Variants in BPTF observed in about 807,000 individuals in gnomAD.
BPTF encodes nucleosome-remodeling factor subunit BPTF.
BPTF carries 18 observed loss-of-function variants against 292.5 expected under a neutral mutation model. The ratio of observed to expected loss-of-function variants is 0.06; its 90% confidence interval spans 0.04 to 0.09. BPTF has a LOEUF of 0.09. BPTF is among the 10% of genes least tolerant of loss of function. BPTF has a pLI of 1.00. For missense variants in BPTF, 2,726 were observed against 3,498.7 expected, an observed-to-expected ratio of 0.78 and a Z score of 5.57; for synonymous variants, 1,225 against 1,251.9, an observed-to-expected ratio of 0.98 and a Z score of 0.45.
At chr17:67,894,749 C>G (rs2061335436) in intron 7 of BPTF, among the ~76,000 whole-genome samples, 1 of 152,112 alleles carries the variant, frequency 6.6e-6, no homozygotes. Flanking sequence ...AGAGCACTCA[C>G]ATTTTTTAGT....
intron 1 of BPTF, among the ~76,000 whole-genome samples, chr17:67,828,090 C>G (rs2056280755): frequency 6.6e-6 from 1 of 152,002 alleles, no homozygotes; most frequent in South Asian, 2.1e-4. Context: ...CACCAGCACA[C>G]CCGGCTAATT....
At chr17:67,859,242 C>G (rs2058927185) in intron 2 of BPTF, among the ~76,000 whole-genome samples, 1 of 152,184 alleles carries the variant, frequency 6.6e-6, no homozygotes, top group African/African-American at 2.4e-5. Context: ...GTCTCCTAGG[C>G]TCAGGCCATC....
intron 2 of BPTF, among the ~76,000 whole-genome samples, chr17:67,864,942 C>T (rs1165646244): frequency 1.3e-5 from 2 of 152,054 alleles, no homozygotes; most frequent in Non-Finnish European, 2.9e-5. Context: ...GTAGCTGAGA[C>T]GACAGGCGCC....
chr17:67,898,829 G>A (rs2061626238), intron 7 of BPTF, among the ~76,000 whole-genome samples: 1 of 150,972 alleles, frequency 6.6e-6, no homozygotes, highest in Non-Finnish European at 1.5e-5. Context: ...AACCACGTCA[G>A]GAGAATCACT....
chr17:67,917,617 T>TTTAATTAATTAA (rs376041236), intron 11 of BPTF, among the ~76,000 whole-genome samples: 2 of 151,168 alleles, frequency 1.3e-5, no homozygotes, highest in Admixed American at 6.6e-5. Context: ...TTTGGTTTAA[T>TTTAATTAATTAA]TTAATTAATT....
chr17:67,846,440 A>G (rs2058035542), intron 1 of BPTF, among the ~76,000 whole-genome samples: 1 of 152,322 alleles, frequency 6.6e-6, no homozygotes, highest in East Asian at 1.9e-4. Flanking sequence ...GATGATGGAA[A>G]TATTCTGTAT....
intron 4 of BPTF, among the ~76,000 whole-genome samples, chr17:67,884,247 A>G (rs8070202): frequency 0.1 from 15,229 of 150,216 alleles, 2,617 homozygotes; most frequent in African/African-American, 0.35. Context: ...CTGGGATTAC[A>G]GGCATGCACC....
Position 67,929,464 on chromosome 17 carries a change from G to C in BPTF, c.6127G>C (p.Gly2043Arg). ...AATTAGGCCCAATACCTCAGGCTCT[G>C]GAGGAACCACAAGCAATTCACAAGT... Reference protein sequence around the residue: ...VTIRPNTSGSGGTTSNSQVIT... With the variant: ...VTIRPNTSGSRGTTSNSQVIT... The change falls in exon 17 of 28, where the codon GGA becomes CGA. Residue 2043 changes from glycine to arginine, a missense_variant. Transcript: ENST00000306378. 5 of 1,614,084 alleles carry C rather than the reference G, an allele frequency of 3.1e-6. No individual in the cohort carries two copies. In the South Asian group the frequency reaches 5.5e-5, roughly 18 times the overall value.
chr17:67,981,200 G>A (rs1159623910), intron 27 of BPTF, among the ~76,000 whole-genome samples: 1 of 152,194 alleles, frequency 6.6e-6, no homozygotes, highest in African/African-American at 2.4e-5. Context: ...GTAAAGAGTT[G>A]TATAAGGGCA....
At position 67,886,878 on chromosome 17, in the gene BPTF, T is replaced by C. The variant is rs199620903; in HGVS notation, c.1865-4966T>C. Reference sequence around the variant, plus strand: ...TGGATGAACCATAATTCATCTACTATTTCTCTATTAATGGACATTTATGTT... The same window carrying C: ...TGGATGAACCATAATTCATCTACTACTTCTCTATTAATGGACATTTATGTT... On this transcript the variant is annotated intron_variant, in intron 4 of 27. Transcript: ENST00000306378. 2.2e-4 allele frequency among the ~76,000 whole-genome samples: 33 copies of C among 152,318 alleles called. No homozygotes were observed. In the East Asian group the frequency reaches 5.8e-3, roughly 27 times the overall value.
At position 67,893,658 on chromosome 17, in the gene BPTF, C is replaced by A. The variant is rs1387927663; in HGVS notation, c.2344C>A (p.Leu782Met). ...AGTTCTTACCATATCTACTCTGAGA[C>A]TGACTATCACCCAATTAGAAAACAA... ...SKVLTISTLRLTITQLENNIP... is the reference protein window; with the variant it reads ...SKVLTISTLRMTITQLENNIP... The change falls in exon 6 of 28, where the codon CTG becomes ATG. Residue 782 changes from leucine to methionine, a missense_variant. Transcript: ENST00000306378. 2.5e-6 allele frequency: 4 copies of A among 1,612,208 alleles called. No homozygotes were observed. The highest frequency in any genetic ancestry group is 3.4e-6 in the Non-Finnish European group (4 of 1,178,474).
At chr17:67,979,373 C>G (rs1433382500) in intron 27 of BPTF, among the ~76,000 whole-genome samples, 1 of 151,704 alleles carries the variant, frequency 6.6e-6, no homozygotes, top group Non-Finnish European at 1.5e-5. Flanking sequence ...ATGATGAAAC[C>G]CTGTCTCTAC....
intron 19 of BPTF, among the ~76,000 whole-genome samples, chr17:67,940,970 T>A (rs1336230905): frequency 1.3e-5 from 2 of 152,238 alleles, no homozygotes; most frequent in Admixed American, 6.5e-5. Flanking sequence ...GACTCGATAT[T>A]GTTAGCAAGT....
chr17:67,944,815 A>G (rs566896037), intron 20 of BPTF, among the ~76,000 whole-genome samples: 84 of 152,234 alleles, frequency 5.5e-4, no homozygotes, highest in Middle Eastern at 3.4e-3. Context: ...GAGAAAAGTG[A>G]AGCGTGGCAA....
At chr17:67,907,085 T>C (rs2062254606) in intron 9 of BPTF, among the ~76,000 whole-genome samples, 1 of 150,620 alleles carries the variant, frequency 6.6e-6, no homozygotes, top group Non-Finnish European at 1.5e-5. Context: ...CTCAGGAGGC[T>C]GATGAGGGAG....
At chr17:67,968,038 G>GA (rs1297014284) in intron 26 of BPTF, among the ~76,000 whole-genome samples, 16 of 142,554 alleles carry the variant, frequency 1.1e-4, no homozygotes, top group East Asian at 2.9e-4. Context: ...TCATTTCCCA[G>GA]AAAAAAAAAT....
chr17:67,975,557 G>A (rs1377987826), intron 26 of BPTF: 8 of 468,788 alleles, frequency 1.7e-5, no homozygotes, highest in Non-Finnish European at 2.6e-5. Context: ...AACCTTAACA[G>A]CAACCCGGAT....
At position 67,976,685 on chromosome 17, in the gene BPTF, CAAAAA is replaced by C. The variant is rs1156404121; in HGVS notation, c.8726+753_8726+757del. On this transcript the variant is annotated intron_variant, in intron 27 of 27. Coordinates refer to ENST00000306378, the MANE Select transcript of BPTF (RefSeq NM_182641.4). Reference sequence around the variant, plus strand: ...TGAGTGACAGAGTGAGACCCTGTCTCAAAAAAAAAAAAAAAAAAAAAAAAAAAAAA... The same window carrying C: ...TGAGTGACAGAGTGAGACCCTGTCTCAAAAAAAAAAAAAAAAAAAAAAAAA... Among the ~76,000 whole-genome samples the C allele has an allele frequency of 1.0e-3, 25 of 24,854 alleles. No individual in the cohort carries two copies. In the East Asian group the frequency reaches 0.016, roughly 16 times the overall value. 16.3% of individuals were successfully genotyped at this position (24,854 alleles called of 152,430 possible). A position where few individuals can be genotyped will look rare whatever the true frequency, so the allele number is the denominator to read the frequency against.
At chr17:67,937,959 C>CA (rs2065057786) in intron 18 of BPTF, among the ~76,000 whole-genome samples, 1 of 151,936 alleles carries the variant, frequency 6.6e-6, no homozygotes, top group Admixed American at 6.6e-5. Flanking sequence ...TATTAAAATA[C>CA]AAAAAATAGC....
Sources: gnomAD v4.1 joint callset for allele counts (sites outside exome capture counted in the v4.1 genomes callset) on GRCh38, gnomAD v4.1.1 for gene constraint, MANE v1.5 for transcripts, NCBI Gene and HGNC (gene_info 2026-07-23, HGNC 2026-07-21) for gene names.